Variants in RTN1 observed in about 807,000 individuals in gnomAD.
RTN1 encodes reticulon-1.
A neutral mutation model predicts 65.5 loss-of-function variants in RTN1; 25 were observed. The ratio of observed to expected loss-of-function variants is 0.38; its 90% confidence interval spans 0.28 to 0.53. The LOEUF (loss-of-function observed/expected upper bound fraction) is 0.53. RTN1 is among the 20% of genes least tolerant of loss of function. RTN1 has a pLI of 0.79. For missense variants in RTN1, 983 were observed against 1,025.4 expected, an observed-to-expected ratio of 0.96 and a Z score of 0.57; for synonymous variants, 471 against 447.6, an observed-to-expected ratio of 1.05 and a Z score of -0.66.
rs139085161 is a variant in RTN1 at position 59,609,615 on chromosome 14, A to G, written c.1766-2123T>C. ...TCCTGGGTTGAATGGATTGGAGACA[A>G]TAAATTGGGGCAAGCCTAGGCTAAA... On this transcript the variant is annotated intron_variant, in intron 3 of 8. Transcript: ENST00000267484. Among the ~76,000 whole-genome samples the G allele has an allele frequency of 2.0e-5, 3 of 152,332 alleles. No homozygotes were observed. In the East Asian group the frequency reaches 5.8e-4, roughly 29 times the overall value.
chr14:59,844,785 G>C (rs1887376424), intron 1 of RTN1, among the ~76,000 whole-genome samples: 1 of 152,090 alleles, frequency 6.6e-6, no homozygotes, highest in Non-Finnish European at 1.5e-5. Context: ...ACGACTTAGG[G>C]AAAACATATA....
At position 59,846,070 on chromosome 14, in the gene RTN1, T is replaced by C. The variant is rs955868268; in HGVS notation, c.241+24320A>G. Among the ~76,000 whole-genome samples, 1 of 152,206 alleles carries C rather than the reference T, an allele frequency of 6.6e-6. No individual in the cohort carries two copies. Among genetic ancestry groups the C allele is most frequent in the Non-Finnish European group, 1.5e-5 (1 of 68,030 alleles). On this transcript the variant is annotated intron_variant, in intron 1 of 8. Transcript: ENST00000267484. This position sits in a 1 kb window ranked among gnomAD's most constrained non-coding sequence, Gnocchi z 4.8. ...AGAAAAACAGTAATAACAACCCTGA[T>C]GTCTGTAAGCAAACAGCCAGGGGTA...
chr14:59,671,682 C>T (rs1883508334), intron 3 of RTN1, among the ~76,000 whole-genome samples: 2 of 152,206 alleles, frequency 1.3e-5, no homozygotes, highest in Admixed American at 1.3e-4. Context: ...CCTACTGACA[C>T]TTTCTAACAA....
intron 1 of RTN1, among the ~76,000 whole-genome samples, chr14:59,818,332 T>C (rs1886859210): frequency 6.6e-6 from 1 of 152,138 alleles, no homozygotes; most frequent in South Asian, 2.1e-4. Flanking sequence ...CACTAGCACT[T>C]TGTCCATTTC....
chr14:59,859,477 G>C (rs1887667616), intron 1 of RTN1, among the ~76,000 whole-genome samples: 1 of 152,196 alleles, frequency 6.6e-6, no homozygotes, highest in Non-Finnish European at 1.5e-5. Flanking sequence ...CCAGTCTCAG[G>C]TATGTCTTTA....
intron 1 of RTN1, among the ~76,000 whole-genome samples, chr14:59,812,295 A>G (rs924205738): frequency 9.2e-5 from 14 of 152,230 alleles, no homozygotes; most frequent in Non-Finnish European, 1.8e-4. Flanking sequence ...CAAAAACTTC[A>G]TAAGTGATGG....
In RTN1 at chr14:59,836,861, C is replaced by T. The variant is rs955607932; in HGVS notation, c.241+33529G>A. ...AGTGAAGAGGGAGAAATTACAGAAC[C>T]TATGTTATAAAAGCTGTCAAACTCT... On this transcript the variant is annotated intron_variant, in intron 1 of 8. Coordinates refer to ENST00000267484, the MANE Select transcript of RTN1 (RefSeq NM_021136.3). The surrounding 1 kb of genome is among the most constrained non-coding windows in gnomAD (Gnocchi z 4.9). 6.6e-6 allele frequency among the ~76,000 whole-genome samples: 1 copy of T among 152,068 alleles called. No homozygotes were observed. Among genetic ancestry groups the T allele is most frequent in the Non-Finnish European group, 1.5e-5 (1 of 67,998 alleles).
intron 3 of RTN1, among the ~76,000 whole-genome samples, chr14:59,702,652 A>C (rs1475249036): frequency 6.6e-6 from 1 of 152,090 alleles, no homozygotes; most frequent in African/African-American, 2.4e-5. Context: ...TACTGCCACT[A>C]CTACAACCCT....
chr14:59,775,710 ATACTC>A (rs1886038445), intron 1 of RTN1, among the ~76,000 whole-genome samples: 1 of 152,166 alleles, frequency 6.6e-6, no homozygotes, highest in Admixed American at 6.6e-5. Context: ...CAAAAATAAA[ATACTC>A]TGCACTCTGT....
intron 1 of RTN1, among the ~76,000 whole-genome samples, chr14:59,778,682 G>T (rs1224931975): frequency 6.6e-6 from 1 of 152,136 alleles, no homozygotes; most frequent in Non-Finnish European, 1.5e-5. Context: ...CGGAGGAGAG[G>T]GTGGGCAGTT....
chr14:59,601,473 TA>T (rs1229080646), intron 8 of RTN1, among the ~76,000 whole-genome samples: 1 of 152,242 alleles, frequency 6.6e-6, no homozygotes, highest in Non-Finnish European at 1.5e-5. Flanking sequence ...ACCACTGGGC[TA>T]AGAGCTCTTT....
intron 3 of RTN1, chr14:59,630,808 C>T: frequency 7.8e-6 from 8 of 1,025,548 alleles, no homozygotes; most frequent in African/African-American, 1.7e-5. Flanking sequence ...ACGGGTAAAG[C>T]GGTTCTGGCC....
At position 59,698,726 on chromosome 14, in the gene RTN1, C is replaced by T. The variant is rs1266952579; in HGVS notation, c.1765+28193G>A. On this transcript the variant is annotated intron_variant, in intron 3 of 8. Transcript: ENST00000267484. ...GTAAACATTTGTCTTTTGTAAACTG[C>T]CCAGTCTCAGGTATGTCTTTATCAG... Among the ~76,000 whole-genome samples the T allele has an allele frequency of 1.3e-5, 2 of 152,140 alleles. 1 individual carries two copies. Among genetic ancestry groups the T allele is most frequent in the Middle Eastern group, 6.3e-3 (2 of 316 alleles).
chr14:59,827,536 G>T (rs938820542), intron 1 of RTN1, among the ~76,000 whole-genome samples: 3 of 152,052 alleles, frequency 2.0e-5, no homozygotes, highest in Non-Finnish European at 4.4e-5. Flanking sequence ...CCCAATCCTA[G>T]CAACTAGTCA....
At chr14:59,687,900 TGCCCAG>T (rs1883881262) in intron 3 of RTN1, among the ~76,000 whole-genome samples, 1 of 152,056 alleles carries the variant, frequency 6.6e-6, no homozygotes, top group Non-Finnish European at 1.5e-5. Context: ...CTCTGTTTCA[TGCCCAG>T]GCAGACCTCC....
chr14:59,710,245 T>C (rs1594692292), intron 3 of RTN1, among the ~76,000 whole-genome samples: 1 of 152,100 alleles, frequency 6.6e-6, no homozygotes, highest in South Asian at 2.1e-4. Context: ...TGGGGTTTTG[T>C]CATGTTGCTA....
intron 3 of RTN1, among the ~76,000 whole-genome samples, chr14:59,669,831 C>T (rs1465377343): frequency 6.6e-6 from 1 of 152,150 alleles, no homozygotes; most frequent in Non-Finnish European, 1.5e-5. Flanking sequence ...CAGCCAAAAG[C>T]ATTTCTACTG....
At chr14:59,809,514 A>G (rs1886691315) in intron 1 of RTN1, among the ~76,000 whole-genome samples, 1 of 152,128 alleles carries the variant, frequency 6.6e-6, no homozygotes. Context: ...TCTTATGCTA[A>G]TATCACTGAG....
intron 2 of RTN1, among the ~76,000 whole-genome samples, chr14:59,729,406 C>T (rs1403386886): frequency 1.3e-5 from 2 of 152,130 alleles, no homozygotes; most frequent in East Asian, 1.9e-4. Context: ...TAACTTAAAA[C>T]AACAACTACT....
Sources: gnomAD v4.1 joint callset for allele counts (sites outside exome capture counted in the v4.1 genomes callset) on GRCh38, gnomAD v4.1.1 for gene constraint, Gnocchi (gnomAD v3.1) non-coding constraint, MANE v1.5 for transcripts, NCBI Gene and HGNC (gene_info 2026-07-23, HGNC 2026-07-21) for gene names.